The following GALNT13 variants were observed in gnomAD, a reference collection of about 807,000 sequenced individuals.
GALNT13 encodes polypeptide N-acetylgalactosaminyltransferase 13, also known as UDP-GalNAc:polypeptide N-acetylgalactosaminyltransferase 13.
GALNT13 carries 28 observed loss-of-function variants against 64.2 expected under a neutral mutation model. That is an observed-to-expected ratio of 0.44 (90% CI 0.32 to 0.60). The LOEUF (loss-of-function observed/expected upper bound fraction) is 0.60. GALNT13 is among the 20% of genes least tolerant of loss of function. GALNT13 has a pLI of 0.05. For synonymous variants in GALNT13, 214 were observed against 224.6 expected, an observed-to-expected ratio of 0.95 and a Z score of 0.42; for missense variants, 577 against 669.8, an observed-to-expected ratio of 0.86 and a Z score of 1.53.
intron 9 of GALNT13, among the ~76,000 whole-genome samples, chr2:154,304,641 A>T (rs902107353): frequency 6.6e-6 from 1 of 152,238 alleles, no homozygotes; most frequent in Non-Finnish European, 1.5e-5. Context: ...TAATGAAATG[A>T]ATAACTTTAG....
the GALNT13 span, among the ~76,000 whole-genome samples, chr2:153,345,717 CT>C: frequency 1.3e-4 from 10 of 77,252 alleles, no homozygotes; most frequent in South Asian, 1.9e-3. Context: ...TTCTCTCTTT[CT>C]GTCCTTCCTT....
At chr2:153,590,798 G>A in the GALNT13 span, among the ~76,000 whole-genome samples, 1 of 151,996 alleles carries the variant, frequency 6.6e-6, no homozygotes, top group African/African-American at 2.4e-5. Context: ...CAGCAAACCA[G>A]ATATAGAAGG....
At chr2:154,392,149 TTCTG>T (rs1043434916) in intron 9 of GALNT13, among the ~76,000 whole-genome samples, 4 of 152,112 alleles carry the variant, frequency 2.6e-5, no homozygotes, top group Admixed American at 1.3e-4. Context: ...AACACAGGGG[TTCTG>T]TCTGTGTCCT....
At chr2:153,857,300 C>T in the GALNT13 span, among the ~76,000 whole-genome samples, 6 of 152,068 alleles carry the variant, frequency 3.9e-5, no homozygotes, top group Admixed American at 6.6e-5. Flanking sequence ...TATTTACCAG[C>T]GTACCACTGA....
At chr2:153,808,631 A>G in the GALNT13 span, among the ~76,000 whole-genome samples, 1 of 152,136 alleles carries the variant, frequency 6.6e-6, no homozygotes, top group African/African-American at 2.4e-5. Context: ...CATATATAAG[A>G]ACCCTACTCT....
the GALNT13 span, among the ~76,000 whole-genome samples, chr2:153,523,041 C>CTGTTTTTTTTTTTTTTT: frequency 4.0e-5 from 3 of 74,778 alleles, no homozygotes; most frequent in African/African-American, 2.3e-4. Flanking sequence ...TCTGTGTTTA[C>CTGTTTTTTTTTTTTTTT]TATTTTTTTT....
chr2:153,899,379 T>G (rs1332535300), intron 1 of GALNT13, among the ~76,000 whole-genome samples: 2 of 152,204 alleles, frequency 1.3e-5, no homozygotes, highest in Non-Finnish European at 2.9e-5. Context: ...TTACTAATTG[T>G]TATAACTTTA....
At chr2:154,320,067 C>T (rs1479927420) in intron 9 of GALNT13, among the ~76,000 whole-genome samples, 1 of 151,874 alleles carries the variant, frequency 6.6e-6, no homozygotes, top group Non-Finnish European at 1.5e-5. Flanking sequence ...TAATAACAGA[C>T]TATTATTTCT....
intron 9 of GALNT13, among the ~76,000 whole-genome samples, chr2:154,314,600 G>A (rs540579801): frequency 6.6e-5 from 10 of 152,260 alleles, no homozygotes; most frequent in Middle Eastern, 3.4e-3. Context: ...TCCACTCACG[G>A]TGGAAGGTAA....
chr2:154,163,448 C>G (rs925734537), intron 4 of GALNT13, among the ~76,000 whole-genome samples: 29 of 152,042 alleles, frequency 1.9e-4, no homozygotes, highest in Non-Finnish European at 4.0e-4. Context: ...AAACTACCAT[C>G]AGAGAATACT....
chr2:153,920,151 A>T (rs1191920227), intron 2 of GALNT13, among the ~76,000 whole-genome samples: 2 of 151,692 alleles, frequency 1.3e-5, no homozygotes, highest in Non-Finnish European at 2.9e-5. Context: ...GCCTCTTCGG[A>T]TTCTCAGTAG....
intron 3 of GALNT13, among the ~76,000 whole-genome samples, chr2:154,003,992 AT>A (rs375261773): frequency 2.8e-4 from 43 of 152,170 alleles, no homozygotes; most frequent in African/African-American, 8.9e-4. Context: ...GTCTCAGATA[AT>A]TTTTTATAGC....
the GALNT13 span, among the ~76,000 whole-genome samples, chr2:153,274,428 C>T: frequency 6.6e-6 from 1 of 152,142 alleles, no homozygotes; most frequent in African/African-American, 2.4e-5. Flanking sequence ...TTCGAACAGG[C>T]AGAATGGAAC....
chr2:154,395,607 AGT>A (rs1159651426), intron 9 of GALNT13, among the ~76,000 whole-genome samples: 1 of 152,164 alleles, frequency 6.6e-6, no homozygotes, highest in Non-Finnish European at 1.5e-5. Flanking sequence ...CTATAGGGAA[AGT>A]GTGAATATTA....
the GALNT13 span, among the ~76,000 whole-genome samples, chr2:153,822,268 A>G: frequency 1.3e-5 from 2 of 152,174 alleles, no homozygotes; most frequent in African/African-American, 4.8e-5. Flanking sequence ...AAAATCTGGC[A>G]AAGACACAAC....
chr2:153,278,212 C>G, the GALNT13 span, among the ~76,000 whole-genome samples: 8 of 151,970 alleles, frequency 5.3e-5, no homozygotes, highest in South Asian at 1.7e-3. Context: ...GGATTACAGG[C>G]GTGAGCCACC....
intron 3 of GALNT13, among the ~76,000 whole-genome samples, chr2:154,047,887 C>T (rs962131638): frequency 2.0e-5 from 3 of 152,158 alleles, no homozygotes; most frequent in South Asian, 4.1e-4. Context: ...TACCAGACCC[C>T]GGTAGCACAC....
rs376522005 is a variant in GALNT13 at position 154,242,145 on chromosome 2, C to T, written c.427C>T (p.Pro143Ser). Reference protein sequence around the residue: ...RTVYSVINRSPHYLLSEVILV... With the variant: ...RTVYSVINRSSHYLLSEVILV... The stretch of plus-strand genomic sequence containing the variant: ...TGTTTACAGTGTGATAAATCGTTCC[C>T]CACACTATCTACTCTCAGAGGTCAT... The change falls in exon 5 of 13, where the codon CCA (proline) becomes TCA (serine). Residue 143 changes from proline (P) to serine (S), a missense_variant. Physicochemically the swap from Pro to Ser is moderately conservative, Grantham distance 74. Coordinates refer to ENST00000392825, the MANE Select transcript of GALNT13 (RefSeq NM_052917.4). 1 of 1,612,868 alleles carries T rather than the reference C, an allele frequency of 6.2e-7. No homozygotes were observed. Among genetic ancestry groups the T allele is most frequent in the Non-Finnish European group, 8.5e-7 (1 of 1,179,332 alleles).
chr2:153,714,888 A>G, the GALNT13 span, among the ~76,000 whole-genome samples: 1 of 152,246 alleles, frequency 6.6e-6, no homozygotes, highest in African/African-American at 2.4e-5. Flanking sequence ...TGAGTCTCAA[A>G]GAGTCTGAAA....
Sources: allele counts gnomAD v4.1 joint callset (sites outside exome capture counted in the v4.1 genomes callset), GRCh38; gene constraint gnomAD v4.1.1; transcripts MANE v1.5; gene names NCBI Gene and HGNC (gene_info 2026-07-23, HGNC 2026-07-21).